The following PAQR8 variants were observed in gnomAD, a reference collection of about 807,000 sequenced individuals.
PAQR8 encodes the protein progestin and adipoQ receptor family member 8.
PAQR8 carries 17 observed loss-of-function variants against 25.2 expected under a neutral mutation model. That is an observed-to-expected ratio of 0.67 (90% confidence interval 0.46 to 1.01). PAQR8 has a LOEUF of 1.01. PAQR8 is among the 50% of genes least tolerant of loss of function. PAQR8 has a pLI of 0.00. For missense variants in PAQR8, 392 were observed against 448.4 expected (o/e 0.87, Z 1.14); for synonymous variants, 204 against 190.6 (o/e 1.07, Z -0.58).
At position 52,382,170 on chromosome 6, in the gene PAQR8, T is replaced by G. The variant is rs149367462; in HGVS notation, c.-53+19921T>G. Among the ~76,000 whole-genome samples the G allele has an allele frequency of 2.1e-3, 315 of 152,308 alleles. 1 individual carries two copies. Among genetic ancestry groups the G allele is most frequent in the African/African-American group, 7.1e-3 (295 of 41,548 alleles). On this transcript the variant is annotated intron_variant, in intron 1 of 1. Coordinates refer to ENST00000442253, the MANE Select transcript of PAQR8 (RefSeq NM_133367.5). ...ACAAGGTTGTATATGGTAGCATCAT[T>G]TAAGTGATACAAACTGGAGGATGCA...
At chr6:52,364,495 A>T (rs1007912048) in intron 1 of PAQR8, among the ~76,000 whole-genome samples, 3 of 152,210 alleles carry the variant, frequency 2.0e-5, no homozygotes, top group Non-Finnish European at 2.9e-5. Flanking sequence ...ATACATTCAA[A>T]TCAGTATTTC....
intron 1 of PAQR8, among the ~76,000 whole-genome samples, chr6:52,400,009 C>T (rs1283404375): frequency 6.6e-6 from 1 of 152,198 alleles, no homozygotes; most frequent in Non-Finnish European, 1.5e-5. Flanking sequence ...TTAGCTTTTT[C>T]TTTTCTTTTT....
At position 52,405,969 on chromosome 6, in the gene PAQR8, A is replaced by T. The variant is rs1562436115; in HGVS notation, c.*1691A>T. 1 of 166,916 alleles carries T rather than the reference A, an allele frequency of 6.0e-6. No individual in the cohort carries two copies. The highest frequency in any genetic ancestry group is 1.5e-5 in the Non-Finnish European group (1 of 68,166). The allele number at this position is 166,916 out of a possible 1,614,324, so 10.3% of individuals were successfully genotyped here. On this transcript the variant is annotated 3_prime_UTR_variant, in exon 2 of 2. Coordinates refer to ENST00000442253, the MANE Select transcript of PAQR8 (RefSeq NM_133367.5). ...ATTTTGGCCACAAACAAACATATTC[A>T]ACTGAAGCTTTCCAATAATCTTTAT...
At chr6:52,402,357 T>G (rs1173537229) in intron 1 of PAQR8, among the ~76,000 whole-genome samples, 1 of 151,126 alleles carries the variant, frequency 6.6e-6, no homozygotes, top group African/African-American at 2.4e-5. Context: ...AGCAAGACCC[T>G]GTTTCAAAAA....
chr6:52,390,086 A>C (rs772718515), intron 1 of PAQR8, among the ~76,000 whole-genome samples: 8 of 152,240 alleles, frequency 5.3e-5, no homozygotes, highest in Non-Finnish European at 1.0e-4. Flanking sequence ...CATGATCTTC[A>C]CACCTGAACT....
chr6:52,366,964 TC>T (rs1314383837), intron 1 of PAQR8, among the ~76,000 whole-genome samples: 1 of 152,150 alleles, frequency 6.6e-6, no homozygotes, highest in African/African-American at 2.4e-5. Flanking sequence ...CAGGCTGGTC[TC>T]GAACTCCTGA....
chr6:52,404,190 CCTT>C lies in PAQR8; in HGVS notation c.985_987del (p.Phe329del), dbSNP rs750103633. 24 of 1,613,876 alleles carry C rather than the reference CCTT, an allele frequency of 1.5e-5. No homozygotes were observed. Among genetic ancestry groups the C allele is most frequent in the Middle Eastern group, 1.6e-4 (1 of 6,084 alleles). On this transcript the variant is annotated inframe_deletion, in exon 2 of 2. Transcript: ENST00000442253. ...CTATCTGTCCACATGGCCTGCCTCT[CCTT>C]CTTCTTCCTGGCTGCCTGCAGTGCT... is the stretch of plus-strand genomic sequence containing the variant.
intron 1 of PAQR8, among the ~76,000 whole-genome samples, chr6:52,384,245 G>A (rs1296975181): frequency 2.6e-5 from 4 of 152,292 alleles, no homozygotes; most frequent in Middle Eastern, 3.4e-3. Flanking sequence ...CTACACATAC[G>A]TAGTGAAGCC....
At chr6:52,385,141 T>C (rs1166431901) in intron 1 of PAQR8, among the ~76,000 whole-genome samples, 1 of 152,194 alleles carries the variant, frequency 6.6e-6, no homozygotes, top group Non-Finnish European at 1.5e-5. Flanking sequence ...AATTGGATCA[T>C]GGGGGCAGTG....
rs754699800 is a variant in PAQR8 at position 52,400,782 on chromosome 6, A to G, written c.-52-2380A>G. 1.4e-4 allele frequency among the ~76,000 whole-genome samples: 21 copies of G among 152,220 alleles called. No individual in the cohort carries two copies. The South Asian group carries it at 2.7e-3, about 20-fold the overall frequency. On this transcript the variant is annotated intron_variant, in intron 1 of 1. Coordinates refer to ENST00000442253, the MANE Select transcript of PAQR8 (RefSeq NM_133367.5). ...GTCTCTAATGGAGCACTTATTGCAC[A>G]TTTTTGTGTTGATTCCCCTACATGT...
chr6:52,375,057 T>G (rs1197358974), intron 1 of PAQR8, among the ~76,000 whole-genome samples: 4 of 152,114 alleles, frequency 2.6e-5, no homozygotes. Context: ...ATTATTGATA[T>G]GATCACTACT....
chr6:52,373,347 A>G (rs1296537639), intron 1 of PAQR8, among the ~76,000 whole-genome samples: 1 of 152,258 alleles, frequency 6.6e-6, no homozygotes. Context: ...AAAAGGACTT[A>G]ATAGAAAATA....
At chr6:52,369,184 A>G (rs748759308) in intron 1 of PAQR8, among the ~76,000 whole-genome samples, 1 of 152,214 alleles carries the variant, frequency 6.6e-6, no homozygotes, top group Non-Finnish European at 1.5e-5. Context: ...TGACTTCAAA[A>G]TTTCAAGACA....
chr6:52,387,973 A>G (rs879524800), intron 1 of PAQR8, among the ~76,000 whole-genome samples: 56 of 152,374 alleles, frequency 3.7e-4, no homozygotes, highest in Non-Finnish European at 2.4e-4. Flanking sequence ...ACTGTCTGCC[A>G]TCACCCCAGA....
chr6:52,371,254 A>C (rs1763416390), intron 1 of PAQR8, among the ~76,000 whole-genome samples: 1 of 152,172 alleles, frequency 6.6e-6, no homozygotes, highest in Admixed American at 6.5e-5. Flanking sequence ...AGACCACTGA[A>C]GTCTTTGCTA....
intron 1 of PAQR8, among the ~76,000 whole-genome samples, chr6:52,365,775 C>T (rs575825837): frequency 2.0e-5 from 3 of 151,978 alleles, no homozygotes; most frequent in Non-Finnish European, 2.9e-5. Flanking sequence ...TATTCAGAAA[C>T]GAGGAAATAC....
rs1366113219 is a variant in PAQR8, at chr6:52,406,349, T to C, written c.*2071T>C. 1 of 411,394 alleles carries C rather than the reference T, an allele frequency of 2.4e-6. No individual in the cohort carries two copies. The highest frequency in any genetic ancestry group is 3.6e-5 in the East Asian group (1 of 28,012). The allele number at this position is 411,394 out of a possible 1,614,324, so 25.5% of individuals were successfully genotyped here. On this transcript the variant is annotated 3_prime_UTR_variant, in exon 2 of 2. Transcript: ENST00000442253. ...AAGTCAAGCTCTTGAATATAACTGG[T>C]GGTATTGTGGGCAGAGATCTTTAGT...
chr6:52,398,187 TTTTTCTTTTC>T (rs1271941974), intron 1 of PAQR8, among the ~76,000 whole-genome samples: 16 of 140,954 alleles, frequency 1.1e-4, no homozygotes, highest in African/African-American at 3.9e-4. Context: ...AAGTTTAGAA[TTTTTCTTTTC>T]TTTTTTCTTT....
rs35079265 is a variant in PAQR8, at chr6:52,393,333, C to CTTTTTTT, written c.-52-9815_-52-9809dup. Among the ~76,000 whole-genome samples the CTTTTTTT allele has an allele frequency of 5.2e-4, 58 of 111,160 alleles. 2 individuals are homozygous for CTTTTTTT. The highest frequency in any genetic ancestry group is 7.1e-4 in the Non-Finnish European group (41 of 57,836). The allele number at this position is 111,160 out of a possible 152,430, so 72.9% of individuals were successfully genotyped here. On this transcript the variant is annotated intron_variant, in intron 1 of 1. Coordinates refer to ENST00000442253, the MANE Select transcript of PAQR8 (RefSeq NM_133367.5). ...ACTATTATTCTGACACTTTCTCTCT[C>CTTTTTTT]TTTTTTTTTTTTTTTTTTTTGAGAC...
Sources: allele counts gnomAD v4.1 joint callset (sites outside exome capture counted in the v4.1 genomes callset), GRCh38; gene constraint gnomAD v4.1.1; transcripts MANE v1.5; gene names NCBI Gene and HGNC (gene_info 2026-07-23, HGNC 2026-07-21).